The following DPP6 variants were observed in gnomAD, a reference collection of about 807,000 sequenced individuals.
DPP6 encodes dipeptidyl peptidase like 6, also known as A-type potassium channel modulatory protein DPP6.
A neutral mutation model predicts 122.6 loss-of-function variants in DPP6; 69 were observed. The observed-to-expected ratio is 0.56, with a 90% CI of 0.46 to 0.69. The LOEUF (loss-of-function observed/expected upper bound fraction) is 0.69, where lower values mean the gene tolerates loss of function less well. Ranked by LOEUF, DPP6 falls within the 30% of genes least tolerant of loss-of-function variation. The pLI, the probability that DPP6 is intolerant of heterozygous loss-of-function variation, is 0.00. For synonymous variants in DPP6, 418 were observed against 433.1 expected (o/e 0.97, Z 0.43); for missense variants, 928 against 1,116.9 (o/e 0.83, Z 2.41).
chr7:154,188,674 C>T (rs1215264094), intron 1 of DPP6, among the ~76,000 whole-genome samples: 1 of 152,184 alleles, frequency 6.6e-6, no homozygotes, highest in Non-Finnish European at 1.5e-5. Flanking sequence ...TTCTTTGAAA[C>T]ACAAAGGTAT....
Position 154,570,629 on chromosome 7 carries a change from C to T in DPP6, c.627+3713C>T, listed in dbSNP as rs530592076. ...CCTCAGTTGTGAAATATCCTAATAA[C>T]GTTCCATGTTTATTCTAGAAATGTG... On this transcript the variant is annotated intron_variant, in intron 5 of 25. Transcript: ENST00000377770. 1.8e-3 allele frequency among the ~76,000 whole-genome samples: 281 copies of T among 152,272 alleles called. 1 individual carries two copies. The highest frequency in any genetic ancestry group is 4.4e-3 in the South Asian group (21 of 4,820).
intron 1 of DPP6, among the ~76,000 whole-genome samples, chr7:153,960,335 G>A (rs1485919672): frequency 1.3e-5 from 2 of 151,914 alleles, no homozygotes; most frequent in Non-Finnish European, 2.9e-5. Flanking sequence ...ACTTCCTTGT[G>A]TACGCATAAT....
At chr7:154,017,827 A>G (rs1390673121) in intron 1 of DPP6, among the ~76,000 whole-genome samples, 3 of 151,824 alleles carry the variant, frequency 2.0e-5, no homozygotes, top group Non-Finnish European at 4.4e-5. Context: ...TCCATTTGCT[A>G]ATCCATAGAT....
At chr7:154,313,712 T>TATATGTATATATATGC (rs1554515587) in intron 1 of DPP6, among the ~76,000 whole-genome samples, 1 of 24,914 alleles carries the variant, frequency 4.0e-5, no homozygotes, top group Non-Finnish European at 9.8e-5. Flanking sequence ...TATATATATA[T>TATATGTATATATATGC]ATACACACAC....
chr7:154,640,666 C>T (rs1836023737), intron 6 of DPP6, among the ~76,000 whole-genome samples: 1 of 152,166 alleles, frequency 6.6e-6, no homozygotes, highest in Admixed American at 6.5e-5. Context: ...GGTGTGCGTG[C>T]TCCACCAGGT....
chr7:154,427,770 T>C (rs1039876329), intron 1 of DPP6, among the ~76,000 whole-genome samples: 8 of 152,226 alleles, frequency 5.3e-5, no homozygotes, highest in Non-Finnish European at 1.2e-4. Flanking sequence ...CTGTAACCAT[T>C]GCAGGGCCTT....
intron 5 of DPP6, among the ~76,000 whole-genome samples, chr7:154,594,872 G>A (rs1168331380): frequency 6.6e-6 from 1 of 152,188 alleles, no homozygotes; most frequent in Non-Finnish European, 1.5e-5. Context: ...TCTCTAGAGA[G>A]GCAGCATGAA....
intron 7 of DPP6, among the ~76,000 whole-genome samples, chr7:154,718,689 G>GAGT (rs1841634180): frequency 6.8e-6 from 1 of 147,820 alleles, no homozygotes; most frequent in Admixed American, 6.8e-5. Context: ...GCCCAGGCTG[G>GAGT]AGTGCAGTGG....
intron 1 of DPP6, among the ~76,000 whole-genome samples, chr7:154,015,087 G>A (rs1585178364): frequency 1.3e-5 from 2 of 152,108 alleles, no homozygotes; most frequent in South Asian, 4.1e-4. Context: ...CTGAATATTG[G>A]TGGTGGTTCT....
chr7:154,542,710 C>T (rs1230998475), intron 4 of DPP6, among the ~76,000 whole-genome samples: 1 of 152,074 alleles, frequency 6.6e-6, no homozygotes. Context: ...TTATTAAGCA[C>T]CAAATATGTA....
At chr7:154,333,806 T>C (rs2151043716) in intron 1 of DPP6, among the ~76,000 whole-genome samples, 1 of 152,350 alleles carries the variant, frequency 6.6e-6, no homozygotes, top group Non-Finnish European at 1.5e-5. Context: ...GTAATTTTAA[T>C]TATTGGGGTC....
chr7:153,760,497 C>T, the DPP6 span, among the ~76,000 whole-genome samples: 4 of 152,046 alleles, frequency 2.6e-5, no homozygotes, highest in Non-Finnish European at 2.9e-5. Flanking sequence ...GCTGGATATT[C>T]GAATATTCCT....
intron 1 of DPP6, chr7:154,305,163 G>A (rs1169206405): frequency 7.1e-6 from 6 of 849,386 alleles, no homozygotes; most frequent in African/African-American, 3.6e-5. Context: ...CGCATCACTC[G>A]GGTCCCCTTC....
chr7:154,407,398 C>T (rs1382745051), intron 1 of DPP6, among the ~76,000 whole-genome samples: 3 of 152,208 alleles, frequency 2.0e-5, no homozygotes, highest in African/African-American at 7.2e-5. Flanking sequence ...AGAACTACAT[C>T]TCACATGCCT....
At chr7:153,848,897 T>C in the DPP6 span, among the ~76,000 whole-genome samples, 1 of 152,194 alleles carries the variant, frequency 6.6e-6, no homozygotes, top group Non-Finnish European at 1.5e-5. Flanking sequence ...CCATTATTTC[T>C]TTTTTCTTTA....
intron 4 of DPP6, among the ~76,000 whole-genome samples, chr7:154,549,825 A>AG (rs1300926073): frequency 6.6e-6 from 1 of 152,160 alleles, no homozygotes. Flanking sequence ...ATAATGAATC[A>AG]ACCTCCAGTC....
intron 1 of DPP6, among the ~76,000 whole-genome samples, chr7:153,930,667 A>G (rs1801131406): frequency 6.6e-6 from 1 of 152,234 alleles, no homozygotes; most frequent in African/African-American, 2.4e-5. Flanking sequence ...TTAAAGGCAT[A>G]AAACATGAGT....
At chr7:154,108,270 A>G (rs1339942707) in intron 1 of DPP6, among the ~76,000 whole-genome samples, 1 of 152,104 alleles carries the variant, frequency 6.6e-6, no homozygotes, top group Non-Finnish European at 1.5e-5. Flanking sequence ...TCAGCCACCA[A>G]TTTGCTAAGT....
At chr7:154,121,474 T>C (rs1807462398) in intron 1 of DPP6, among the ~76,000 whole-genome samples, 1 of 152,254 alleles carries the variant, frequency 6.6e-6, no homozygotes, top group South Asian at 2.1e-4. Flanking sequence ...TGTGGTATTT[T>C]TGTTTTTATT....
Sources: allele counts gnomAD v4.1 joint callset (sites outside exome capture counted in the v4.1 genomes callset), GRCh38; gene constraint gnomAD v4.1.1; transcripts MANE v1.5; gene names NCBI Gene and HGNC (gene_info 2026-07-23, HGNC 2026-07-21).